Variants in FOXP1 observed in about 807,000 individuals in gnomAD.
FOXP1 encodes forkhead box P1.
A neutral mutation model predicts 98.2 loss-of-function variants in FOXP1; 15 were observed. The ratio of observed to expected loss-of-function variants is 0.15; its 90% CI spans 0.10 to 0.24. FOXP1 has a LOEUF of 0.24. Among genes scored for constraint, FOXP1 ranks in the 10% least tolerant of loss-of-function variants. The pLI is 1.00. For missense variants in FOXP1, 633 were observed against 848.5 expected (o/e 0.75, Z 3.15); for synonymous variants, 371 against 314.5 (o/e 1.18, Z -1.90).
intron 2 of FOXP1, among the ~76,000 whole-genome samples, chr3:71,510,837 A>T (rs981525739): frequency 2.0e-5 from 3 of 152,234 alleles, no homozygotes; most frequent in Non-Finnish European, 2.9e-5. Context: ...GGTCATTTTT[A>T]AAAAATCAGT....
chr3:71,203,938 G>GAGGAAGGAAGGAAGGAAGGAAGGAAGGA (rs3033228), intron 5 of FOXP1, among the ~76,000 whole-genome samples: 4 of 131,352 alleles, frequency 3.0e-5, no homozygotes, highest in African/African-American at 1.2e-4. Context: ...GAAAAGGAAG[G>GAGGAAGGAAGGAAGGAAGGAAGGAAGGA]AGGAAGGAAG....
At chr3:71,446,509 AG>A (rs758083354) in intron 3 of FOXP1, among the ~76,000 whole-genome samples, 1 of 151,942 alleles carries the variant, frequency 6.6e-6, no homozygotes, top group South Asian at 2.1e-4. Flanking sequence ...AGCTAGAGAT[AG>A]GGCTGAGGTG....
At chr3:71,098,222 G>A (rs911998899) in intron 7 of FOXP1, among the ~76,000 whole-genome samples, 1 of 152,110 alleles carries the variant, frequency 6.6e-6, no homozygotes, top group Non-Finnish European at 1.5e-5. Flanking sequence ...CTTCCTCCCT[G>A]CAAGTATATT....
intron 3 of FOXP1, among the ~76,000 whole-genome samples, chr3:71,442,844 G>A (rs1045686495): frequency 2.6e-5 from 4 of 152,070 alleles, no homozygotes; most frequent in Non-Finnish European, 4.4e-5. Flanking sequence ...ATCTCTGAGG[G>A]TGGGGCTCCA....
chr3:71,342,150 A>T (rs2077046047), intron 4 of FOXP1, among the ~76,000 whole-genome samples: 1 of 152,236 alleles, frequency 6.6e-6, no homozygotes, highest in African/African-American at 2.4e-5. Context: ...AGATGTCCAC[A>T]TGAGGTTCCA....
intron 5 of FOXP1, among the ~76,000 whole-genome samples, chr3:71,233,769 A>G (rs1576506758): frequency 6.6e-6 from 1 of 152,224 alleles, no homozygotes; most frequent in African/African-American, 2.4e-5. Flanking sequence ...GAGGATCAGG[A>G]CTTGTATATT....
intron 4 of FOXP1, among the ~76,000 whole-genome samples, chr3:71,350,235 G>C (rs1432072865): frequency 6.6e-6 from 1 of 152,110 alleles, no homozygotes; most frequent in Non-Finnish European, 1.5e-5. Context: ...TCATTCAAAA[G>C]CAAGTCTGAA....
chr3:70,991,449 A>T (rs2040586706), intron 13 of FOXP1, among the ~76,000 whole-genome samples: 2 of 152,322 alleles, frequency 1.3e-5, no homozygotes, highest in South Asian at 4.1e-4. Context: ...TCCATTCAAC[A>T]TCCTCAAAGA....
rs770246212 is a variant in FOXP1 at position 70,987,050 on chromosome 3, G to A, written c.1146+944C>T. Among the ~76,000 whole-genome samples the A allele has an allele frequency of 1.4e-4, 22 of 152,138 alleles. 1 individual carries two copies. Among genetic ancestry groups the A allele is most frequent in the Non-Finnish European group, 2.9e-5 (2 of 68,032 alleles). ...GCATCATTGCATATTGATTAAAATC[G>A]CTGGTACTAACTATAGATTGTCAAC... On this transcript the variant is annotated intron_variant, in intron 14 of 20. Transcript: ENST00000649528.
intron 5 of FOXP1, among the ~76,000 whole-genome samples, chr3:71,238,808 C>G (rs948557871): frequency 6.6e-6 from 1 of 152,164 alleles, no homozygotes; most frequent in Non-Finnish European, 1.5e-5. Flanking sequence ...GTGGCTCCCC[C>G]ACACAAGGGA....
At chr3:71,005,782 T>C (rs1472084070) in intron 12 of FOXP1, among the ~76,000 whole-genome samples, 17 of 152,130 alleles carry the variant, frequency 1.1e-4, no homozygotes, top group Non-Finnish European at 1.5e-5. Flanking sequence ...AGTAGAGCGC[T>C]TCCTTTCTGC....
chr3:71,306,327 C>T (rs2074270347), intron 4 of FOXP1, among the ~76,000 whole-genome samples: 3 of 152,032 alleles, frequency 2.0e-5, no homozygotes, highest in Non-Finnish European at 4.4e-5. Context: ...TGTTGTATCT[C>T]CAGCTACTCC....
chr3:71,290,030 T>G (rs58065451), intron 5 of FOXP1: 23,354 of 152,050 alleles, frequency 0.15, 2,131 homozygotes, highest in East Asian at 0.45. Context: ...AATCCTGAAT[T>G]TATAGACCAA....
At chr3:71,221,773 A>G (rs576505065) in intron 5 of FOXP1, among the ~76,000 whole-genome samples, 3 of 152,112 alleles carry the variant, frequency 2.0e-5, no homozygotes, top group Admixed American at 2.0e-4. Context: ...TCCTGTCTCT[A>G]TGTTTCTACC....
intron 4 of FOXP1, among the ~76,000 whole-genome samples, chr3:71,317,487 G>T (rs116357733): frequency 0.022 from 3,297 of 152,166 alleles, 85 homozygotes; most frequent in African/African-American, 0.051. Context: ...AAAAAAAAAG[G>T]TCTGAAGTAG....
chr3:71,546,191 T>C (rs1470646458), intron 2 of FOXP1, among the ~76,000 whole-genome samples: 3 of 152,144 alleles, frequency 2.0e-5, no homozygotes, highest in Non-Finnish European at 4.4e-5. Context: ...TGGCGAGGGT[T>C]AGTGGTCGGT....
At chr3:71,352,934 A>C (rs2077895860) in intron 4 of FOXP1, among the ~76,000 whole-genome samples, 1 of 152,200 alleles carries the variant, frequency 6.6e-6, no homozygotes, top group South Asian at 2.1e-4. Context: ...TTCTAGGAGT[A>C]GAATCCCAAA....
intron 2 of FOXP1, chr3:71,571,331 G>A (rs1476148685): frequency 3.9e-5 from 6 of 152,142 alleles, no homozygotes; most frequent in Admixed American, 1.3e-4. Flanking sequence ...GGGTGATACC[G>A]ACTTTAATAG....
chr3:71,054,726 T>C (rs181249394), intron 7 of FOXP1, among the ~76,000 whole-genome samples: 81 of 152,088 alleles, frequency 5.3e-4, no homozygotes, highest in Non-Finnish European at 6.5e-4. Context: ...GACTATTTCA[T>C]GAAAAATCAC....
Sources: allele counts gnomAD v4.1 joint callset (sites outside exome capture counted in the v4.1 genomes callset), GRCh38; gene constraint gnomAD v4.1.1; transcripts MANE v1.5; gene names NCBI Gene and HGNC (gene_info 2026-07-23, HGNC 2026-07-21).